CPQ: variants seen among roughly 807,000 people sequenced by gnomAD.
The protein encoded by CPQ is carboxypeptidase Q, also known as Ser-Met dipeptidase.
CPQ carries 37 observed loss-of-function variants against 45.7 expected under a neutral mutation model. The observed-to-expected ratio is 0.81, with a 90% CI of 0.62 to 1.07. The LOEUF (loss-of-function observed/expected upper bound fraction) is 1.07. Ranked by LOEUF, CPQ falls within the 50% of genes least tolerant of loss-of-function variation. The pLI is 0.00. For synonymous variants in CPQ, 186 were observed against 205.8 expected (o/e 0.90, Z 0.82); for missense variants, 537 against 572.9 (o/e 0.94, Z 0.64).
chr8:96,951,540 G>A (rs1563536847), intron 4 of CPQ, among the ~76,000 whole-genome samples: 1 of 152,050 alleles, frequency 6.6e-6, no homozygotes, highest in Non-Finnish European at 1.5e-5. Context: ...TTTTAGAGAG[G>A]TTTTGTATAT....
At chr8:96,856,998 C>A (rs1485194634) in intron 3 of CPQ, among the ~76,000 whole-genome samples, 1 of 152,162 alleles carries the variant, frequency 6.6e-6, no homozygotes, top group Non-Finnish European at 1.5e-5. Context: ...GTTTTGTTAT[C>A]TATGTGATGT....
At chr8:96,754,368 T>C (rs566178296) in intron 1 of CPQ, among the ~76,000 whole-genome samples, 114 of 152,102 alleles carry the variant, frequency 7.5e-4, no homozygotes, top group African/African-American at 2.7e-3. Context: ...TAGATTCCAT[T>C]CCCCCCTCAG....
chr8:97,021,901 C>A (rs1419251138), intron 5 of CPQ, among the ~76,000 whole-genome samples: 3 of 151,846 alleles, frequency 2.0e-5, no homozygotes. Flanking sequence ...ACATACAGAA[C>A]CAAAAAAAGA....
At chr8:96,759,814 A>G (rs1459808395) in intron 1 of CPQ, among the ~76,000 whole-genome samples, 1 of 152,212 alleles carries the variant, frequency 6.6e-6, no homozygotes, top group Non-Finnish European at 1.5e-5. Flanking sequence ...GCAAATGATC[A>G]CTACCACTGA....
intron 3 of CPQ, among the ~76,000 whole-genome samples, chr8:96,836,094 G>A (rs1288960601): frequency 1.3e-5 from 2 of 152,164 alleles, no homozygotes; most frequent in Non-Finnish European, 2.9e-5. Flanking sequence ...TGATAGCCTG[G>A]CCTAAGATTT....
intron 1 of CPQ, among the ~76,000 whole-genome samples, chr8:96,748,639 T>C (rs2130784142): frequency 6.6e-6 from 1 of 152,324 alleles, no homozygotes; most frequent in South Asian, 2.1e-4. Flanking sequence ...CTTTTTTAAC[T>C]GTTTGCTACC....
At chr8:97,104,637 T>A (rs1282531111) in intron 7 of CPQ, among the ~76,000 whole-genome samples, 1 of 152,174 alleles carries the variant, frequency 6.6e-6, no homozygotes, top group Non-Finnish European at 1.5e-5. Context: ...TGAGCATGTG[T>A]CAGCTGTTAT....
chr8:97,019,055 A>G (rs1310912107), intron 5 of CPQ, among the ~76,000 whole-genome samples: 5 of 152,214 alleles, frequency 3.3e-5, no homozygotes, highest in Admixed American at 2.6e-4. Flanking sequence ...CCTGCAAGCT[A>G]GAAGGGATTG....
chr8:96,697,106 C>G (rs932909469), intron 1 of CPQ, among the ~76,000 whole-genome samples: 2 of 152,084 alleles, frequency 1.3e-5, no homozygotes, highest in African/African-American at 4.8e-5. Context: ...CCCTAATGAA[C>G]ACTGATGCCA....
chr8:96,990,673 G>C (rs920809563), intron 5 of CPQ, among the ~76,000 whole-genome samples: 5 of 152,136 alleles, frequency 3.3e-5, no homozygotes, highest in African/African-American at 7.2e-5. Context: ...TCATTGTTGG[G>C]ACAGAAGTCT....
chr8:97,036,800 TA>T (rs1197432924), intron 6 of CPQ, among the ~76,000 whole-genome samples: 1 of 152,246 alleles, frequency 6.6e-6, no homozygotes, highest in African/African-American at 2.4e-5. Flanking sequence ...TTACACAAGG[TA>T]ATCAAATAAA....
chr8:96,688,034 A>C (rs1010565464), intron 1 of CPQ, among the ~76,000 whole-genome samples: 1 of 152,096 alleles, frequency 6.6e-6, no homozygotes, highest in Middle Eastern at 3.2e-3. Context: ...TCCTGAGAGA[A>C]AAGAAAGTTT....
chr8:97,143,035 A>T lies in CPQ; in HGVS notation c.1271A>T (p.Asp424Val), dbSNP rs1812194091. The change falls in exon 8 of 8, where the codon GAT becomes GTT. Residue 424 changes from aspartate to valine, a missense_variant. Coordinates refer to ENST00000220763, the MANE Select transcript of CPQ (RefSeq NM_016134.4). The part of the protein sequence containing the change: ...QAGVPGASLL[D>V]DLYKYFFFHH... ...TTATCCCCAGGAGCCAGTCTACTTGATGACTTATACAAGTATTTCTTCTTC... is the reference window on the plus strand; with the variant it reads ...TTATCCCCAGGAGCCAGTCTACTTGTTGACTTATACAAGTATTTCTTCTTC... 9 of 1,613,836 alleles carry T rather than the reference A, an allele frequency of 5.6e-6. No homozygotes were observed. Among genetic ancestry groups the T allele is most frequent in the Non-Finnish European group, 3.4e-6 (4 of 1,179,808 alleles).
intron 2 of CPQ, among the ~76,000 whole-genome samples, chr8:96,789,073 T>A (rs905303597): frequency 3.3e-5 from 5 of 152,130 alleles, no homozygotes; most frequent in African/African-American, 1.2e-4. Context: ...GTATGGTTTC[T>A]TTTAGTTCCT....
At chr8:96,652,442 G>A (rs138745783) in intron 1 of CPQ, among the ~76,000 whole-genome samples, 5 of 152,190 alleles carry the variant, frequency 3.3e-5, no homozygotes, top group Non-Finnish European at 5.9e-5. Context: ...ACATGGGATT[G>A]CATATGTCTC....
At chr8:96,666,791 C>G (rs1808931228) in intron 1 of CPQ, among the ~76,000 whole-genome samples, 1 of 152,174 alleles carries the variant, frequency 6.6e-6, no homozygotes, top group Admixed American at 6.5e-5. Context: ...TTCTGTCCTG[C>G]TTTTCTAAAG....
intron 3 of CPQ, among the ~76,000 whole-genome samples, chr8:96,864,026 A>G (rs1811964366): frequency 6.6e-6 from 1 of 152,118 alleles, no homozygotes; most frequent in African/African-American, 2.4e-5. Flanking sequence ...AGTAACTGCT[A>G]TCACTGGTAA....
chr8:96,907,351 G>A (rs941019430), intron 4 of CPQ, among the ~76,000 whole-genome samples: 8 of 152,084 alleles, frequency 5.3e-5, no homozygotes, highest in Admixed American at 5.2e-4. Flanking sequence ...CAGAGAACAT[G>A]GATCATCATA....
At chr8:97,002,960 A>G (rs956188509) in intron 5 of CPQ, among the ~76,000 whole-genome samples, 4 of 152,186 alleles carry the variant, frequency 2.6e-5, no homozygotes, top group African/African-American at 7.2e-5. Flanking sequence ...GGGTGCATAT[A>G]TATTTAGGAC....
Sources: allele counts gnomAD v4.1 joint callset (sites outside exome capture counted in the v4.1 genomes callset), GRCh38; gene constraint gnomAD v4.1.1; transcripts MANE v1.5; gene names NCBI Gene and HGNC (gene_info 2026-07-23, HGNC 2026-07-21).